The following LDB2 variants were observed in gnomAD, a reference collection of about 807,000 sequenced individuals.
The protein encoded by LDB2 is LIM domain-binding protein 2.
Under a neutral mutation model 44.3 loss-of-function variants are expected in LDB2, and 12 were observed. That is an observed-to-expected ratio of 0.27 (90% CI 0.17 to 0.44). The LOEUF (loss-of-function observed/expected upper bound fraction) is 0.44. Among genes scored for constraint, LDB2 ranks in the 20% least tolerant of loss-of-function variants. The probability of loss-of-function intolerance (pLI) is 1.00; values close to 1 mark genes in which losing one functional copy is unlikely to be tolerated. For missense variants in LDB2, 344 were observed against 473.5 expected, an observed-to-expected ratio of 0.73 and a Z score of 2.54; for synonymous variants, 164 against 174.8, an observed-to-expected ratio of 0.94 and a Z score of 0.49.
chr4:16,808,172 T>C (rs1579853136), intron 1 of LDB2, among the ~76,000 whole-genome samples: 1 of 152,326 alleles, frequency 6.6e-6, no homozygotes, highest in South Asian at 2.1e-4. Flanking sequence ...TCTCTTCCGA[T>C]ACGCCCCTCT....
rs75493935 is a variant in LDB2, at chr4:16,822,520, T to C, written c.133-63260A>G. On this transcript the variant is annotated intron_variant, in intron 1 of 7. Coordinates refer to ENST00000304523, the MANE Select transcript of LDB2 (RefSeq NM_001290.5). Reference sequence around the variant, plus strand: ...GTCATGTGCTGTTGTATTATTATTATTATTTTTCTTTTTGAGACAGAGTCT... The same window carrying C: ...GTCATGTGCTGTTGTATTATTATTACTATTTTTCTTTTTGAGACAGAGTCT... Among the ~76,000 whole-genome samples, 1,123 of 152,278 alleles carry C rather than the reference T, an allele frequency of 7.4e-3. 16 individuals are homozygous for C. Among genetic ancestry groups the C allele is most frequent in the African/African-American group, 0.026 (1,063 of 41,540 alleles).
chr4:16,719,039 A>G (rs1216894911), intron 2 of LDB2, among the ~76,000 whole-genome samples: 2 of 152,056 alleles, frequency 1.3e-5, no homozygotes, highest in Admixed American at 6.6e-5. Context: ...GCATATAAGA[A>G]GAAACAACCT....
intron 1 of LDB2, among the ~76,000 whole-genome samples, chr4:16,897,007 ATT>A: frequency 6.6e-6 from 1 of 152,362 alleles, no homozygotes; most frequent in South Asian, 2.1e-4. Flanking sequence ...TCTATGGTGT[ATT>A]AACATATAAA....
intron 2 of LDB2, among the ~76,000 whole-genome samples, chr4:16,601,974 T>C (rs1277399934): frequency 2.0e-5 from 3 of 152,164 alleles, no homozygotes; most frequent in Non-Finnish European, 4.4e-5. Flanking sequence ...GTAGATCTTG[T>C]TGTTCTTGGT....
intron 1 of LDB2, among the ~76,000 whole-genome samples, chr4:16,770,616 T>C (rs553294553): frequency 4.6e-5 from 7 of 152,324 alleles, no homozygotes; most frequent in African/African-American, 1.7e-4. Context: ...AGCGGCAACA[T>C]TGGAATTTGC....
chr4:16,548,510 A>C (rs909313452), intron 5 of LDB2, among the ~76,000 whole-genome samples: 1 of 152,158 alleles, frequency 6.6e-6, no homozygotes, highest in Non-Finnish European at 1.5e-5. Context: ...TGCCTCTTCT[A>C]TTAGATTGTC....
chr4:16,505,822 C>T (rs1450574307), intron 7 of LDB2: 8 of 1,531,666 alleles, frequency 5.2e-6, no homozygotes, highest in African/African-American at 1.4e-5. Flanking sequence ...ACTAATCCCC[C>T]GTGCAAAGAC....
chr4:16,795,392 T>G (rs1280855896), intron 1 of LDB2, among the ~76,000 whole-genome samples: 3 of 152,178 alleles, frequency 2.0e-5, no homozygotes, highest in African/African-American at 7.2e-5. Flanking sequence ...AACGTGCAAG[T>G]GCAAGGTTGC....
At chr4:16,638,606 G>A (rs932572816) in intron 2 of LDB2, among the ~76,000 whole-genome samples, 1 of 152,150 alleles carries the variant, frequency 6.6e-6, no homozygotes, top group South Asian at 2.1e-4. Context: ...TAATTAATTT[G>A]TATTGCTTCT....
At chr4:16,785,556 C>T (rs1004845207) in intron 1 of LDB2, among the ~76,000 whole-genome samples, 1 of 152,092 alleles carries the variant, frequency 6.6e-6, no homozygotes, top group Non-Finnish European at 1.5e-5. Context: ...GGGCAGCAGC[C>T]GCATCGGGTG....
intron 1 of LDB2, among the ~76,000 whole-genome samples, chr4:16,893,416 C>G (rs1244988731): frequency 6.6e-6 from 1 of 151,958 alleles, no homozygotes; most frequent in Non-Finnish European, 1.5e-5. Flanking sequence ...TCAATGATAC[C>G]AAGCTATTCC....
At chr4:16,759,928 T>G (rs1291005807) in intron 1 of LDB2, among the ~76,000 whole-genome samples, 1 of 152,188 alleles carries the variant, frequency 6.6e-6, no homozygotes, top group Non-Finnish European at 1.5e-5. Flanking sequence ...GAATTCTGTT[T>G]GTTTGTTTTG....
intron 5 of LDB2, among the ~76,000 whole-genome samples, chr4:16,531,891 A>G (rs1313626099): frequency 6.6e-6 from 1 of 152,180 alleles, no homozygotes; most frequent in Non-Finnish European, 1.5e-5. Context: ...GCCCACCCAT[A>G]GTTTTTCCAT....
At chr4:16,612,941 C>T (rs1292115953) in intron 2 of LDB2, among the ~76,000 whole-genome samples, 4 of 152,110 alleles carry the variant, frequency 2.6e-5, no homozygotes, top group African/African-American at 9.7e-5. Flanking sequence ...AACATTGATG[C>T]GAAAATCCTC....
intron 1 of LDB2, among the ~76,000 whole-genome samples, chr4:16,864,757 T>C (rs1714057091): frequency 6.6e-6 from 1 of 151,736 alleles, no homozygotes; most frequent in Non-Finnish European, 1.5e-5. Flanking sequence ...AAACCCTGTC[T>C]CTACTAAAAA....
At chr4:16,516,039 A>ATT (rs985876311) in intron 5 of LDB2, among the ~76,000 whole-genome samples, 1 of 150,546 alleles carries the variant, frequency 6.6e-6, no homozygotes, top group South Asian at 2.1e-4. Flanking sequence ...AATTTTTTGT[A>ATT]TTTTTTTTAG....
chr4:16,794,395 A>G (rs1336880883), intron 1 of LDB2, among the ~76,000 whole-genome samples: 1 of 152,164 alleles, frequency 6.6e-6, no homozygotes, highest in African/African-American at 2.4e-5. Flanking sequence ...CTATCACTGT[A>G]CCTTCAATCT....
chr4:16,781,940 G>T (rs1321497105), intron 1 of LDB2, among the ~76,000 whole-genome samples: 2 of 152,136 alleles, frequency 1.3e-5, no homozygotes, highest in Non-Finnish European at 2.9e-5. Flanking sequence ...AGAAACACAT[G>T]GGACAGATTC....
At chr4:16,608,885 G>A (rs962312882) in intron 2 of LDB2, among the ~76,000 whole-genome samples, 1 of 152,132 alleles carries the variant, frequency 6.6e-6, no homozygotes, top group African/African-American at 2.4e-5. Context: ...CACAGCTCAG[G>A]CTTCTCTCTC....
Sources: gnomAD v4.1 joint callset for allele counts (sites outside exome capture counted in the v4.1 genomes callset) on GRCh38, gnomAD v4.1.1 for gene constraint, MANE v1.5 for transcripts, NCBI Gene and HGNC (gene_info 2026-07-23, HGNC 2026-07-21) for gene names.